The following METTL21A variants were observed in gnomAD, a reference collection of about 807,000 sequenced individuals.
The protein encoded by METTL21A is methyltransferase 21A, HSPA lysine.
A neutral mutation model predicts 20.9 loss-of-function variants in METTL21A; 22 were observed. The observed-to-expected ratio is 1.05, with a 90% confidence interval of 0.75 to 1.50. The LOEUF (loss-of-function observed/expected upper bound fraction) is 1.50, where lower values mean the gene tolerates loss of function less well. Among genes scored for constraint, METTL21A ranks in the 40% most tolerant of loss-of-function variants. The pLI, the probability that METTL21A is intolerant of heterozygous loss-of-function variation, is 0.00. For missense variants in METTL21A, 271 were observed against 266.8 expected, an observed-to-expected ratio of 1.02 and a Z score of -0.11; for synonymous variants, 93 against 102.0, an observed-to-expected ratio of 0.91 and a Z score of 0.53.
chr2:207,604,959 A>C (rs2087841749), downstream of METTL21A, among the ~76,000 whole-genome samples: 1 of 152,222 alleles, frequency 6.6e-6, no homozygotes, highest in Non-Finnish European at 1.5e-5. Flanking sequence ...TTGTAGATAT[A>C]TACCACAAGT....
At chr2:207,604,728 T>TA (rs1318289614), downstream of METTL21A, among the ~76,000 whole-genome samples, 1 of 152,186 alleles carries the variant, frequency 6.6e-6, no homozygotes, top group African/African-American at 2.4e-5. Flanking sequence ...AAAGTCCCGT[T>TA]ACTCTCCATT....
At chr2:207,594,019 C>CCAG (rs989132492) in intron 3 of METTL21A, among the ~76,000 whole-genome samples, 59 of 152,258 alleles carry the variant, frequency 3.9e-4, no homozygotes, top group African/African-American at 1.4e-3. Flanking sequence ...AGCCACCACA[C>CCAG]CAGCCCTCAC....
At chr2:207,594,342 A>G (rs1559079656) in intron 3 of METTL21A, among the ~76,000 whole-genome samples, 1 of 152,142 alleles carries the variant, frequency 6.6e-6, no homozygotes, top group African/African-American at 2.4e-5. Context: ...TCATCTTGCA[A>G]AATTGAAACT....
intron 3 of METTL21A, among the ~76,000 whole-genome samples, chr2:207,603,934 T>C (rs1052452642): frequency 2.6e-5 from 4 of 152,236 alleles, no homozygotes; most frequent in African/African-American, 4.8e-5. Flanking sequence ...GCATTATTTG[T>C]ATGTTTCTTC....
At position 207,613,445 on chromosome 2, in the gene METTL21A, T is replaced by C. The variant is rs1575118124; in HGVS notation, c.260-2A>G. 2 of 1,570,772 alleles carry C rather than the reference T, an allele frequency of 1.3e-6. No individual in the cohort carries two copies. Among genetic ancestry groups the C allele is most frequent in the Non-Finnish European group, 1.7e-6 (2 of 1,164,178 alleles). ...GATCCGTGATAGTCACATGAGCACCTACAATGTGGAACAAAGAAAAAGTGA... is the reference window on the plus strand; with the variant it reads ...GATCCGTGATAGTCACATGAGCACCCACAATGTGGAACAAAGAAAAAGTGA... On this transcript the variant is annotated splice_acceptor_variant, in intron 3 of 3. Transcript: ENST00000406927. LOFTEE classifies it high-confidence loss of function.
intron 3 of METTL21A, among the ~76,000 whole-genome samples, chr2:207,591,324 T>C (rs1192580424): frequency 3.3e-5 from 5 of 152,362 alleles, no homozygotes; most frequent in Admixed American, 2.6e-4. Context: ...TCTTAGAGGA[T>C]AGACCTCTTT....
At chr2:207,588,458 A>G (rs972390175) in intron 3 of METTL21A, among the ~76,000 whole-genome samples, 1 of 152,160 alleles carries the variant, frequency 6.6e-6, no homozygotes, top group Admixed American at 6.5e-5. Flanking sequence ...GAATTTGATA[A>G]TGTGAGTCCT....
At chr2:207,586,442 G>C (rs2551646) in intron 3 of METTL21A, among the ~76,000 whole-genome samples, 23,681 of 152,076 alleles carry the variant, frequency 0.16, 2,038 homozygotes, top group Middle Eastern at 0.21. Flanking sequence ...TTAAACATAA[G>C]ACCCCAAACT....
At chr2:207,603,320 A>G (rs2087437785) in intron 3 of METTL21A, 1 of 223,774 alleles carries the variant, frequency 4.5e-6, no homozygotes, top group Admixed American at 5.7e-5. Flanking sequence ...AATTTGTGAA[A>G]TATTGTCATA....
chr2:207,584,670 G>A (rs549892296), intron 3 of METTL21A, among the ~76,000 whole-genome samples: 48 of 152,252 alleles, frequency 3.2e-4, no homozygotes, highest in African/African-American at 1.1e-3. Flanking sequence ...CCAAAATGCT[G>A]GGATTACAGG....
intron 3 of METTL21A, among the ~76,000 whole-genome samples, chr2:207,585,815 C>A (rs898349530): frequency 3.3e-5 from 5 of 152,034 alleles, no homozygotes; most frequent in African/African-American, 1.2e-4. Flanking sequence ...AGAGAGAGGT[C>A]TTTTAAAATA....
At chr2:207,597,487 A>G (rs759232291) in intron 3 of METTL21A, 6 of 223,384 alleles carry the variant, frequency 2.7e-5, no homozygotes, top group Non-Finnish European at 5.4e-5. Context: ...GCATAAAGTA[A>G]GTAAGGTGCA....
At chr2:207,595,122 A>G (rs1214687908) in intron 3 of METTL21A, among the ~76,000 whole-genome samples, 1 of 149,854 alleles carries the variant, frequency 6.7e-6, no homozygotes, top group Non-Finnish European at 1.5e-5. Context: ...CAGCCTCCTG[A>G]GTAGCTGGGA....
chr2:207,625,000 C>T (rs976735488), intron 1 of METTL21A, 62 bp downstream of exon 1: 11 of 152,358 alleles, frequency 7.2e-5, no homozygotes, highest in African/African-American at 2.7e-4. Context: ...CCAAGCGGCT[C>T]GCGGGGACAG....
chr2:207,595,348 C>A (rs977746593), intron 3 of METTL21A, among the ~76,000 whole-genome samples: 1 of 151,970 alleles, frequency 6.6e-6, no homozygotes, highest in African/African-American at 2.4e-5. Flanking sequence ...AATCTCTGTT[C>A]AAGTCCCTAT....
chr2:207,597,793 C>T (rs1044455526), intron 3 of METTL21A: 9 of 197,566 alleles, frequency 4.6e-5, no homozygotes, highest in South Asian at 1.9e-4. Flanking sequence ...ACCAACTGAA[C>T]GACAAAGCAT....
chr2:207,625,774 T>C (rs889159978), upstream of METTL21A: 1 of 152,296 alleles, frequency 6.6e-6, no homozygotes, highest in African/African-American at 2.4e-5. Context: ...TTTTTAAAGG[T>C]GGCGCGTTAG....
rs1486978375 is a variant in METTL21A, at chr2:207,621,787, G to A, written c.259+19C>T. On this transcript the variant is annotated intron_variant, in intron 3 of 3. Coordinates refer to ENST00000406927, the Ensembl canonical transcript of METTL21A. ...CTCAATGAGTTCTGCTCACTAAGGA[G>A]TCAATGCATGACACTCACCCAGCAG... is the stretch of plus-strand genomic sequence containing the variant. The A allele has an allele frequency of 6.3e-7, 1 of 1,598,810 alleles. No homozygotes were observed.
intron 3 of METTL21A, among the ~76,000 whole-genome samples, chr2:207,594,126 A>T (rs1484625845): frequency 3.3e-5 from 5 of 152,248 alleles, no homozygotes; most frequent in Non-Finnish European, 7.3e-5. Flanking sequence ...CACAGAGCTA[A>T]AAAAGAATTT....
Sources: allele counts gnomAD v4.1 joint callset (sites outside exome capture counted in the v4.1 genomes callset), GRCh38; gene constraint gnomAD v4.1.1; transcripts MANE v1.5; gene names NCBI Gene and HGNC (gene_info 2026-07-23, HGNC 2026-07-21).